SGPP1: variants seen among roughly 807,000 people sequenced by gnomAD.
SGPP1 encodes sphingosine-1-phosphate phosphatase 1.
A neutral mutation model predicts 33.0 loss-of-function variants in SGPP1; 21 were observed. The ratio of observed to expected loss-of-function variants is 0.64; its 90% confidence interval spans 0.45 to 0.92. The LOEUF is 0.92. Ranked by LOEUF, SGPP1 falls within the 40% of genes least tolerant of loss-of-function variation. The pLI, the probability that SGPP1 is intolerant of heterozygous loss-of-function variation, is 0.00. For missense variants in SGPP1, 543 were observed against 589.4 expected (o/e 0.92, Z 0.81); for synonymous variants, 239 against 241.2 (o/e 0.99, Z 0.08).
chr14:63,700,968 T>C (rs1410233634), intron 1 of SGPP1, among the ~76,000 whole-genome samples: 2 of 152,118 alleles, frequency 1.3e-5, no homozygotes, highest in East Asian at 1.9e-4. Flanking sequence ...TAACGCATAA[T>C]GGATTTGTAA....
intron 1 of SGPP1, among the ~76,000 whole-genome samples, chr14:63,700,194 C>G (rs1885267408): frequency 6.6e-6 from 1 of 152,136 alleles, no homozygotes; most frequent in Admixed American, 6.6e-5. Context: ...GCCAATGCAC[C>G]TGGCCCCCTT....
intron 1 of SGPP1, among the ~76,000 whole-genome samples, chr14:63,707,880 G>A (rs1885447468): frequency 6.6e-6 from 1 of 152,050 alleles, no homozygotes; most frequent in Non-Finnish European, 1.5e-5. Flanking sequence ...CCAGGGTTGA[G>A]AACAAATCTA....
At chr14:63,691,222 G>A (rs1405611204) in intron 2 of SGPP1, among the ~76,000 whole-genome samples, 2 of 152,208 alleles carry the variant, frequency 1.3e-5, no homozygotes, top group African/African-American at 4.8e-5. Context: ...CCAAAAGGCT[G>A]AGAGGTGATC....
chr14:63,686,681 G>C (rs1884986871), intron 2 of SGPP1, 25 bp from the exon 3 acceptor site: 1 of 1,501,132 alleles, frequency 6.7e-7, no homozygotes, highest in African/African-American at 1.4e-5. Flanking sequence ...AAGTATCGTT[G>C]TTTAGTATAA....
At chr14:63,706,420 T>C (rs1885408571) in intron 1 of SGPP1, among the ~76,000 whole-genome samples, 1 of 152,182 alleles carries the variant, frequency 6.6e-6, no homozygotes, top group South Asian at 2.1e-4. Flanking sequence ...ATTAATTTTA[T>C]GTAAGTTTTA....
intron 2 of SGPP1, among the ~76,000 whole-genome samples, chr14:63,690,496 T>C (rs1402394243): frequency 6.6e-6 from 1 of 152,188 alleles, no homozygotes; most frequent in Non-Finnish European, 1.5e-5. Context: ...CAGATAATTA[T>C]GAAAAAGAAT....
intron 1 of SGPP1, 45 bp downstream of exon 1, chr14:63,727,216 T>G: frequency 2.6e-6 from 4 of 1,524,332 alleles, no homozygotes; most frequent in Non-Finnish European, 3.5e-6. Flanking sequence ...GAACTCCGAG[T>G]TCTTTGAACT....
chr14:63,686,300 T>C lies in SGPP1; in HGVS notation c.1131A>G (p.Leu377=), dbSNP rs769918039. 8 of 1,614,036 alleles carry C rather than the reference T, an allele frequency of 5.0e-6. No homozygotes were observed. The highest frequency in any genetic ancestry group is 1.6e-4 in the Middle Eastern group (1 of 6,084). ...LRILIGMVFV[L]IIRDVMKKIT... ...TCTTTTTCATTACATCTCTGATTAT[T>C]AGTACAAATACCATCCCTATGAGGA... The change falls in exon 3 of 3, where the codon CTA becomes CTG. Residue 377 remains leucine, a synonymous_variant. Coordinates refer to ENST00000247225, the MANE Select transcript of SGPP1 (RefSeq NM_030791.4).
intron 2 of SGPP1, among the ~76,000 whole-genome samples, chr14:63,692,777 G>A (rs1319469636): frequency 1.3e-5 from 2 of 152,012 alleles, no homozygotes; most frequent in African/African-American, 2.4e-5. Flanking sequence ...TGAACAGGAT[G>A]TCTTCCGAGA....
At chr14:63,726,896 CT>C (rs1885892470) in intron 1 of SGPP1, among the ~76,000 whole-genome samples, 1 of 152,106 alleles carries the variant, frequency 6.6e-6, no homozygotes, top group Admixed American at 6.6e-5. Context: ...GAAACTGGGT[CT>C]TAGTTTACAT....
chr14:63,707,228 T>A (rs1046171921), intron 1 of SGPP1, among the ~76,000 whole-genome samples: 1 of 152,076 alleles, frequency 6.6e-6, no homozygotes, highest in African/African-American at 2.4e-5. Flanking sequence ...GAACTCACCA[T>A]ATACACATTA....
At chr14:63,697,976 G>C (rs997857375) in intron 2 of SGPP1, among the ~76,000 whole-genome samples, 1 of 152,182 alleles carries the variant, frequency 6.6e-6, no homozygotes, top group African/African-American at 2.4e-5. Context: ...GCAGGCCAGA[G>C]CTAAGGGGGT....
intron 1 of SGPP1, among the ~76,000 whole-genome samples, chr14:63,703,592 G>T (rs1421271523): frequency 1.4e-5 from 2 of 146,244 alleles, no homozygotes; most frequent in Admixed American, 7.0e-5. Flanking sequence ...GGCAGAGGTT[G>T]CAGTGAGCTG....
At chr14:63,706,719 G>C (rs905129792) in intron 1 of SGPP1, among the ~76,000 whole-genome samples, 14 of 152,128 alleles carry the variant, frequency 9.2e-5, no homozygotes, top group African/African-American at 3.4e-4. Flanking sequence ...TTAGTTCTAA[G>C]AGCAACTGTG....
chr14:63,701,373 A>G (rs1885295920), intron 1 of SGPP1, among the ~76,000 whole-genome samples: 1 of 152,180 alleles, frequency 6.6e-6, no homozygotes, highest in African/African-American at 2.4e-5. Context: ...TAATTAAAAC[A>G]GATATAAAAA....
At chr14:63,707,920 C>T (rs1232107653) in intron 1 of SGPP1, among the ~76,000 whole-genome samples, 1 of 152,044 alleles carries the variant, frequency 6.6e-6, no homozygotes, top group Admixed American at 6.5e-5. Context: ...GTATAGCTGC[C>T]TCGGCACTCA....
At chr14:63,713,857 T>G (rs894874828) in intron 1 of SGPP1, among the ~76,000 whole-genome samples, 1 of 152,228 alleles carries the variant, frequency 6.6e-6, no homozygotes, top group African/African-American at 2.4e-5. Context: ...AAGCATCATT[T>G]TGGGTGTGTC....
chr14:63,715,026 CTT>C (rs1164699481), intron 1 of SGPP1, among the ~76,000 whole-genome samples: 17 of 132,638 alleles, frequency 1.3e-4, no homozygotes, highest in East Asian at 2.2e-4. Flanking sequence ...CCCAGCCGAC[CTT>C]TTTTTTTTTT....
chr14:63,696,843 G>A (rs111406613), intron 2 of SGPP1, among the ~76,000 whole-genome samples: 13,366 of 151,962 alleles, frequency 0.088, 1,281 homozygotes, highest in African/African-American at 0.24. Context: ...AAAATTAGCC[G>A]GGTGTGATGG....
Sources: gnomAD v4.1 joint callset for allele counts (sites outside exome capture counted in the v4.1 genomes callset) on GRCh38, gnomAD v4.1.1 for gene constraint, MANE v1.5 for transcripts, NCBI Gene and HGNC (gene_info 2026-07-23, HGNC 2026-07-21) for gene names.